The following ENAH variants were observed in gnomAD, a reference collection of about 807,000 sequenced individuals.
ENAH encodes the protein protein enabled homolog.
A neutral mutation model predicts 78.7 loss-of-function variants in ENAH; 23 were observed. That is an observed-to-expected ratio of 0.29 (90% CI 0.21 to 0.41). ENAH has a LOEUF of 0.41. ENAH is among the 10% of genes least tolerant of loss of function. The probability of loss-of-function intolerance (pLI) is 1.00; values close to 1 mark genes in which losing one functional copy is unlikely to be tolerated. For synonymous variants in ENAH, 226 were observed against 241.0 expected (o/e 0.94, Z 0.58); for missense variants, 544 against 691.0 (o/e 0.79, Z 2.39).
rs149354846 is a variant in ENAH, at chr1:225,517,006, G to A, written c.913+190C>T. ...GTTCAATAAGGAAATTCCTCCAAAT[G>A]CAATTAATCCAACAGGAAAAACATT... On this transcript the variant is annotated intron_variant, in intron 6 of 13. Transcript: ENST00000366843. Among the ~76,000 whole-genome samples, 339 of 150,834 alleles carry A rather than the reference G, an allele frequency of 2.2e-3. 1 individual carries two copies. Among genetic ancestry groups the A allele is most frequent in the African/African-American group, 7.6e-3 (311 of 40,992 alleles).
chr1:225,581,930 G>A (rs1335165272), intron 1 of ENAH, among the ~76,000 whole-genome samples: 1 of 151,320 alleles, frequency 6.6e-6, no homozygotes, highest in Non-Finnish European at 1.5e-5. Context: ...TAACTCCTGA[G>A]CTCAAGCAAT....
chr1:225,527,108 A>T (rs1028576454), intron 4 of ENAH, among the ~76,000 whole-genome samples: 8 of 152,168 alleles, frequency 5.3e-5, no homozygotes, highest in African/African-American at 1.9e-4. Context: ...AAGTTGGCCA[A>T]CTTTCACCTA....
intron 1 of ENAH, among the ~76,000 whole-genome samples, chr1:225,629,317 G>A (rs1283353212): frequency 6.6e-6 from 1 of 151,622 alleles, no homozygotes. Context: ...TGGGCGCTGT[G>A]GCTCACGCCT....
At chr1:225,505,251 T>C (rs1192714222) in intron 11 of ENAH, among the ~76,000 whole-genome samples, 1 of 152,128 alleles carries the variant, frequency 6.6e-6, no homozygotes. Context: ...TTACAGAAAA[T>C]TTTAAAAATC....
rs2096239020 is a variant in ENAH, at chr1:225,494,267, A to G, written c.*3508T>C. The G allele has an allele frequency of 6.6e-6, 1 of 152,082 alleles. No individual in the cohort carries two copies. The highest frequency in any genetic ancestry group is 2.4e-5 in the African/African-American group (1 of 41,416). 9.4% of individuals were successfully genotyped at this position (152,082 alleles called of 1,614,324 possible). On this transcript the variant is annotated 3_prime_UTR_variant, in exon 14 of 14. Coordinates refer to ENST00000366843, the MANE Select transcript of ENAH (RefSeq NM_018212.6). ...CTAATGAAGACATCAGAATTATAAAATGGAACTCAAAATTAATACTTTATA... is the reference window on the plus strand; with the variant it reads ...CTAATGAAGACATCAGAATTATAAAGTGGAACTCAAAATTAATACTTTATA...
chr1:225,562,225 T>C (rs1229848255), intron 2 of ENAH, among the ~76,000 whole-genome samples: 2 of 150,086 alleles, frequency 1.3e-5, no homozygotes, highest in Non-Finnish European at 1.5e-5. Flanking sequence ...CCAGCCAACA[T>C]TCCCATTCTT....
chr1:225,551,131 C>A (rs961950461), intron 3 of ENAH, among the ~76,000 whole-genome samples: 1 of 152,076 alleles, frequency 6.6e-6, no homozygotes, highest in Non-Finnish European at 1.5e-5. Flanking sequence ...GGAAAAAATA[C>A]ACTGTAGCAT....
chr1:225,588,742 T>C (rs975706060), intron 1 of ENAH, among the ~76,000 whole-genome samples: 1 of 143,052 alleles, frequency 7.0e-6, no homozygotes, highest in Non-Finnish European at 1.5e-5. Flanking sequence ...GAGGCGGAGG[T>C]TGCAGTGAGC....
At chr1:225,582,359 A>T (rs1383814760) in intron 1 of ENAH, among the ~76,000 whole-genome samples, 2 of 152,182 alleles carry the variant, frequency 1.3e-5, no homozygotes, top group Non-Finnish European at 1.5e-5. Flanking sequence ...TAGCAGTGAA[A>T]AGAACGGACT....
chr1:225,565,640 CT>C (rs1174880684), intron 2 of ENAH, among the ~76,000 whole-genome samples: 2 of 151,306 alleles, frequency 1.3e-5, no homozygotes, highest in Non-Finnish European at 3.0e-5. Flanking sequence ...GTCCAGTTTT[CT>C]TTTTTTTTCC....
At chr1:225,515,162 T>C in intron 6 of ENAH, 1 of 415,802 alleles carries the variant, frequency 2.4e-6, no homozygotes, top group Non-Finnish European at 4.2e-6. Context: ...AAGACTTTTT[T>C]TTTTCATGGG....
intron 1 of ENAH, among the ~76,000 whole-genome samples, chr1:225,651,143 G>T: frequency 6.6e-6 from 1 of 152,058 alleles, no homozygotes; most frequent in Non-Finnish European, 1.5e-5. Context: ...GTGTTTTTTG[G>T]TTCGTATGCT....
chr1:225,575,061 C>T (rs1368833848), intron 1 of ENAH, among the ~76,000 whole-genome samples: 2 of 152,134 alleles, frequency 1.3e-5, no homozygotes, highest in Admixed American at 6.5e-5. Flanking sequence ...TAGTCCATAG[C>T]ACCAACACCA....
At chr1:225,651,973 GAGC>G (rs1026048775) in intron 1 of ENAH, among the ~76,000 whole-genome samples, 15 of 152,154 alleles carry the variant, frequency 9.9e-5, no homozygotes, top group Non-Finnish European at 1.5e-5. Flanking sequence ...ATTGAGTACA[GAGC>G]AAAGGGAAAA....
At chr1:225,558,411 G>T (rs528888902) in intron 2 of ENAH, among the ~76,000 whole-genome samples, 1 of 151,994 alleles carries the variant, frequency 6.6e-6, no homozygotes. Flanking sequence ...AAGTGTTTTC[G>T]TAGGAATTTC....
At chr1:225,642,963 G>A (rs1044767419) in intron 1 of ENAH, among the ~76,000 whole-genome samples, 2 of 152,202 alleles carry the variant, frequency 1.3e-5, no homozygotes, top group African/African-American at 4.8e-5. Flanking sequence ...AGAATGTGGG[G>A]TAACTAGAAA....
At chr1:225,603,016 A>G (rs1415671179) in intron 1 of ENAH, among the ~76,000 whole-genome samples, 2 of 152,128 alleles carry the variant, frequency 1.3e-5, no homozygotes, top group African/African-American at 2.4e-5. Flanking sequence ...ATTAAAACAT[A>G]CTATGAAGTA....
chr1:225,507,901 A>ATT, intron 11 of ENAH, 50 bp downstream of exon 11: 1 of 1,328,232 alleles, frequency 7.5e-7, no homozygotes, highest in African/African-American at 1.5e-5. Context: ...GAATGCATTA[A>ATT]TTTTTTTTTA....
intron 2 of ENAH, among the ~76,000 whole-genome samples, chr1:225,565,998 CA>C (rs2096733098): frequency 3.3e-5 from 5 of 152,164 alleles, no homozygotes; most frequent in Admixed American, 3.3e-4. Flanking sequence ...CAGATTGACT[CA>C]GAGCTGTGAA....
Sources: gnomAD v4.1 joint callset for allele counts (sites outside exome capture counted in the v4.1 genomes callset) on GRCh38, gnomAD v4.1.1 for gene constraint, MANE v1.5 for transcripts, NCBI Gene and HGNC (gene_info 2026-07-23, HGNC 2026-07-21) for gene names.